CPNE1: variants seen among roughly 807,000 people sequenced by gnomAD.
The protein encoded by CPNE1 is copine-1.
A neutral mutation model predicts 63.2 loss-of-function variants in CPNE1; 58 were observed. The observed-to-expected ratio is 0.92, with a 90% confidence interval of 0.74 to 1.14. The LOEUF (loss-of-function observed/expected upper bound fraction) is 1.14, where lower values mean the gene tolerates loss of function less well. CPNE1 is among the 50% of genes most tolerant of loss of function. The pLI is 0.00. For synonymous variants in CPNE1, 237 were observed against 249.0 expected (o/e 0.95, Z 0.45); for missense variants, 672 against 661.7 (o/e 1.02, Z -0.17).
At position 35,653,299 on chromosome 20, in the gene CPNE1, G is replaced by A. The variant is rs779197482; in HGVS notation, c.-1+11461C>T. The A allele has an allele frequency of 6.2e-6, 10 of 1,613,556 alleles. No individual in the cohort carries two copies. The African/African-American group carries it at 1.3e-4, about 22-fold the overall frequency. The stretch of plus-strand genomic sequence containing the variant: ...GGTTATTGCTGAACCAGGCAGTCCT[G>A]TGCTGGGCAGGCCTGCACCGGGAAG... On this transcript the variant is annotated intron_variant, in intron 1 of 15. Transcript: ENST00000397443.
At chr20:35,654,972 T>C (rs550456112) in intron 1 of CPNE1, 3 of 1,614,190 alleles carry the variant, frequency 1.9e-6, no homozygotes, top group South Asian at 1.1e-5. Flanking sequence ...TGGGCAAGTT[T>C]ACCCTGCTAC....
chr20:35,628,474 G>A (rs1263373199), intron 13 of CPNE1, among the ~76,000 whole-genome samples: 1 of 152,068 alleles, frequency 6.6e-6, no homozygotes, highest in East Asian at 1.9e-4. Flanking sequence ...CAACATGACT[G>A]GTAATAGGAC....
chr20:35,630,686 C>T lies in CPNE1; in HGVS notation c.1050+55G>A. 2.5e-6 allele frequency: 4 copies of T among 1,597,684 alleles called. No individual in the cohort carries two copies. In the South Asian group the frequency reaches 4.4e-5, roughly 18 times the overall value. ...TAGCAAGTAAATTTACCACATCCCC[C>T]AAAATCAGGACCCTGAAACTGAAAA... On this transcript the variant is annotated intron_variant, in intron 12 of 15. Transcript: ENST00000397443.
chr20:35,629,081 CACACACACATAT>C (rs1177246169), intron 13 of CPNE1, among the ~76,000 whole-genome samples: 2 of 152,160 alleles, frequency 1.3e-5, no homozygotes, highest in Non-Finnish European at 2.9e-5. Flanking sequence ...TGTGTACACA[CACACACACATAT>C]ACACACACAT....
Position 35,640,981 on chromosome 20 carries a change from A to G in CPNE1, c.1-8058T>C, listed in dbSNP as rs73905914. Reference sequence around the variant, plus strand: ...TTGCGAATGGAACAGCTGAGTCTATAGCTCCAACATTTTTCTGCCTCTGCT... The same window carrying G: ...TTGCGAATGGAACAGCTGAGTCTATGGCTCCAACATTTTTCTGCCTCTGCT... On this transcript the variant is annotated intron_variant, in intron 1 of 15. Coordinates refer to ENST00000397443, the MANE Select transcript of CPNE1 (RefSeq NM_152925.3). Among the ~76,000 whole-genome samples the G allele has an allele frequency of 6.3e-3, 965 of 152,288 alleles. 8 individuals are homozygous for G. The highest frequency in any genetic ancestry group is 0.04 in the East Asian group (208 of 5,188).
At chr20:35,660,298 G>A (rs1052845660) in intron 1 of CPNE1, among the ~76,000 whole-genome samples, 2 of 152,020 alleles carry the variant, frequency 1.3e-5, no homozygotes, top group Admixed American at 6.6e-5. Context: ...TGCAACCTCC[G>A]CCTCCCTGGG....
At chr20:35,652,667 C>T (rs747020729) in intron 1 of CPNE1, 1 of 1,614,178 alleles carries the variant, frequency 6.2e-7, no homozygotes, top group Non-Finnish European at 8.5e-7. Context: ...TTTAAACACA[C>T]TGAGCCTGGG....
intron 1 of CPNE1, among the ~76,000 whole-genome samples, chr20:35,661,540 A>G (rs935854710): frequency 6.6e-6 from 1 of 152,232 alleles, no homozygotes; most frequent in Non-Finnish European, 1.5e-5. Flanking sequence ...TAAAACAAGA[A>G]GCTGGCTTTA....
At chr20:35,638,775 T>G (rs1276320061) in intron 1 of CPNE1, among the ~76,000 whole-genome samples, 2 of 152,334 alleles carry the variant, frequency 1.3e-5, no homozygotes, top group Non-Finnish European at 2.9e-5. Flanking sequence ...ATTGTGATGT[T>G]TATAGAAAAC....
At chr20:35,645,767 T>C (rs2033062547) in intron 1 of CPNE1, among the ~76,000 whole-genome samples, 1 of 152,216 alleles carries the variant, frequency 6.6e-6, no homozygotes, top group Non-Finnish European at 1.5e-5. Context: ...GGGACCCTAC[T>C]GGTCCCACAG....
At position 35,631,859 on chromosome 20, in the gene CPNE1, CTCTT is replaced by C. The variant is rs143877309; in HGVS notation, c.537+82_538-83del. The C allele has an allele frequency of 6.1e-3, 9,403 of 1,548,868 alleles. 477 individuals carry two copies. The African/African-American group carries it at 0.11, about 18-fold the overall frequency. Reference sequence around the variant, plus strand: ...CCACACTTCTCTACCCACCTGCAGTCTCTTTCTGAGTTCCAAACCTTGCTAGTCA... The same window carrying C: ...CCACACTTCTCTACCCACCTGCAGTCTCTGAGTTCCAAACCTTGCTAGTCA... On this transcript the variant is annotated intron_variant, in intron 6 of 15. Coordinates refer to ENST00000397443, the MANE Select transcript of CPNE1 (RefSeq NM_152925.3).
chr20:35,653,197 G>C lies in CPNE1; in HGVS notation c.-1+11563C>G, dbSNP rs146615696. On this transcript the variant is annotated intron_variant, in intron 1 of 15. Transcript: ENST00000397443. Reference sequence around the variant, plus strand: ...ATTATTGGCTTCCTTTGATCCTACAGTCAGGAAGGCATGCTCTTCACCTCC... The same window carrying C: ...ATTATTGGCTTCCTTTGATCCTACACTCAGGAAGGCATGCTCTTCACCTCC... 1.3e-4 allele frequency: 214 copies of C among 1,613,504 alleles called. No homozygotes were observed. In the African/African-American group the frequency reaches 2.2e-3, roughly 17 times the overall value.
At chr20:35,644,601 C>T (rs951875161) in intron 1 of CPNE1, among the ~76,000 whole-genome samples, 1 of 152,158 alleles carries the variant, frequency 6.6e-6, no homozygotes, top group African/African-American at 2.4e-5. Flanking sequence ...ATAATCTGTC[C>T]TAAGTCACAT....
intron 1 of CPNE1, chr20:35,653,030 G>T: frequency 1.9e-6 from 3 of 1,613,816 alleles, no homozygotes; most frequent in Non-Finnish European, 2.5e-6. Flanking sequence ...TCCAGTCCTA[G>T]ACCAGGCAAA....
At chr20:35,664,701 C>T (rs991272778) in intron 1 of CPNE1, 59 bp downstream of exon 1, 1 of 152,368 alleles carries the variant, frequency 6.6e-6, no homozygotes. Context: ...CCCCGGGCCA[C>T]CAAGGGGCAC....
At position 35,657,465 on chromosome 20, in the gene CPNE1, TGAGA is replaced by T. The variant is rs553443083; in HGVS notation, c.-1+7291_-1+7294del. Among the ~76,000 whole-genome samples, 7 of 151,174 alleles carry T rather than the reference TGAGA, an allele frequency of 4.6e-5. No individual in the cohort carries two copies. In the East Asian group the frequency reaches 7.8e-4, roughly 17 times the overall value. ...GGCAATCCAGGTACTCAAAACAACT[TGAGA>T]GAGAGAGAGAGACTAGTTTGCACTG... On this transcript the variant is annotated intron_variant, in intron 1 of 15. Transcript: ENST00000397443.
At chr20:35,653,124 A>G (rs900960113) in intron 1 of CPNE1, 2 of 1,613,738 alleles carry the variant, frequency 1.2e-6, no homozygotes, top group Non-Finnish European at 1.7e-6. Context: ...TTGGTGGCCC[A>G]AAGGCATTTG....
intron 1 of CPNE1, among the ~76,000 whole-genome samples, chr20:35,639,359 CAG>C (rs1041374683): frequency 1.8e-4 from 27 of 151,550 alleles, no homozygotes; most frequent in African/African-American, 5.3e-4. Flanking sequence ...TTTTTTTAGA[CAG>C]AGTCTCACTC....
intron 1 of CPNE1, among the ~76,000 whole-genome samples, chr20:35,657,652 A>G (rs17092947): frequency 0.037 from 5,583 of 152,318 alleles, 344 homozygotes; most frequent in African/African-American, 0.13. Flanking sequence ...GCTATTGAAA[A>G]TCTGCCTCAG....
Sources: gnomAD v4.1 joint callset for allele counts (sites outside exome capture counted in the v4.1 genomes callset) on GRCh38, gnomAD v4.1.1 for gene constraint, MANE v1.5 for transcripts, NCBI Gene and HGNC (gene_info 2026-07-23, HGNC 2026-07-21) for gene names.